The following GEMIN5 variants were observed in gnomAD, a reference collection of about 807,000 sequenced individuals.
The protein encoded by GEMIN5 is gem-associated protein 5.
In GEMIN5, 124 loss-of-function variants were observed where a neutral mutation model predicts 176.9. The observed-to-expected ratio is 0.70, with a 90% CI of 0.61 to 0.81. The LOEUF is 0.81. Ranked by LOEUF, GEMIN5 falls within the 40% of genes least tolerant of loss-of-function variation. The probability of loss-of-function intolerance (pLI) is 0.00; values close to 1 mark genes in which losing one functional copy is unlikely to be tolerated. For missense variants in GEMIN5, 1,843 were observed against 1,814.6 expected (o/e 1.02, Z -0.28); for synonymous variants, 673 against 665.2 (o/e 1.01, Z -0.18).
chr5:154,918,049 A>T (rs780990240), intron 11 of GEMIN5, 45 bp from the exon 12 acceptor site: 5 of 1,220,774 alleles, frequency 4.1e-6, no homozygotes, highest in Non-Finnish European at 6.1e-6. Context: ...CATATCTCAC[A>T]AATCAGCAAT....
rs1440321216 is a variant in GEMIN5, at chr5:154,889,408, T to C, written c.4272A>G (p.Glu1424=). 2.5e-6 allele frequency: 4 copies of C among 1,604,496 alleles called. No homozygotes were observed. ...CAGGCAGAGAAAGTGGCTCATTTTT[T>C]TCTTCTTTACTAGTGAAAAAAATAA... is the stretch of plus-strand genomic sequence containing the variant. The part of the protein sequence containing the change: ...LCSSQSQCKE[E]KNEPLSLPEL... The change falls in exon 27 of 28, where the codon GAA becomes GAG. Residue 1424 remains glutamate (E), a synonymous_variant. Coordinates refer to ENST00000285873, the MANE Select transcript of GEMIN5 (RefSeq NM_015465.5).
chr5:154,938,068 G>C lies in GEMIN5; in HGVS notation c.66C>G (p.Ala22=), dbSNP rs756291106. 6.4e-5 allele frequency: 97 copies of C among 1,524,940 alleles called. No homozygotes were observed. The highest frequency in any genetic ancestry group is 4.5e-5 in the Non-Finnish European group (51 of 1,140,238). The allele number at this position is 1,524,940 out of a possible 1,614,324, so 94.5% of individuals were successfully genotyped here. A position where few individuals can be genotyped will look rare whatever the true frequency, so the allele number is the denominator to read the frequency against. The change falls in exon 1 of 28, where the codon GCC becomes GCG. Residue 22 remains alanine, a synonymous_variant. Coordinates refer to ENST00000285873, the MANE Select transcript of GEMIN5 (RefSeq NM_015465.5). ...PNWYCARCSD[A]VPGGLFGFAA... ...CGAAGCCAAAGAGGCCCCCGGGCAC[G>C]GCATCGCTGCAGCGGGCGCAGTACC...
chr5:154,930,903 T>C (rs1764148752), intron 5 of GEMIN5, among the ~76,000 whole-genome samples: 2 of 152,250 alleles, frequency 1.3e-5, no homozygotes, highest in Non-Finnish European at 2.9e-5. Context: ...AGATTTTTAC[T>C]ATAAAGGTTA....
intron 25 of GEMIN5, 50 bp from the exon 26 acceptor site, chr5:154,891,792 G>A (rs775484649): frequency 1.3e-6 from 2 of 1,509,494 alleles, no homozygotes; most frequent in African/African-American, 1.4e-5. Flanking sequence ...CTAGTTGCCA[G>A]AAATGTGGCT....
intron 15 of GEMIN5, among the ~76,000 whole-genome samples, chr5:154,908,162 C>T (rs995891245): frequency 2.0e-5 from 3 of 148,876 alleles, no homozygotes; most frequent in Non-Finnish European, 4.4e-5. Context: ...GCCAATTTTA[C>T]CCAGATGTCC....
At position 154,927,279 on chromosome 5, in the gene GEMIN5, AG is replaced by A. The variant is rs556637308; in HGVS notation, c.1080+105del. On this transcript the variant is annotated intron_variant, in intron 7 of 27. Transcript: ENST00000285873. ...TAGCAGTAACTCTGAAATTGGAGTC[AG>A]GGGTGGAGTATTACGACTTGACAGG... 778 of 633,410 alleles carry A rather than the reference AG, an allele frequency of 1.2e-3. 1 individual carries two copies. Among genetic ancestry groups the A allele is most frequent in the Admixed American group, 2.5e-3 (96 of 39,124 alleles). 39.2% of individuals were successfully genotyped at this position (633,410 alleles called of 1,614,324 possible). A position where few individuals can be genotyped will look rare whatever the true frequency, so the allele number is the denominator to read the frequency against.
Position 154,904,536 on chromosome 5 carries a change from A to G in GEMIN5, c.2603T>C (p.Leu868Ser), listed in dbSNP as rs368662572. The stretch of plus-strand genomic sequence containing the variant: ...GGAGTGCTTTGCAGTTGCTAGTACC[A>G]AACAGTCCTGATGAAGCTCCTCTTT... ...RSKEELHQDC[L>S]VLATAKHSRE... Residue 868 changes from leucine (L) to serine (S), a missense_variant, in exon 18 of 28, where the codon TTG becomes TCG. By Grantham distance (145) the Leu-to-Ser change is moderately radical. Coordinates refer to ENST00000285873, the MANE Select transcript of GEMIN5 (RefSeq NM_015465.5). 4 of 1,613,634 alleles carry G rather than the reference A, an allele frequency of 2.5e-6. No homozygotes were observed. The Admixed American group carries it at 5.0e-5, about 20-fold the overall frequency.
Position 154,917,175 on chromosome 5 carries a change from T to C in GEMIN5, c.1678A>G (p.Ile560Val), listed in dbSNP as rs1209267555. Residue 560 changes from isoleucine to valine, a missense_variant, in exon 13 of 28, where the codon ATA becomes GTA. By Grantham distance (29) the Ile-to-Val change is conservative (BLOSUM62 3). Coordinates refer to ENST00000285873, the MANE Select transcript of GEMIN5 (RefSeq NM_015465.5). The part of the protein sequence containing the change: ...IMALGNEDGS[I>V]EIFQIPNLKL... ...AGGTTGGGAATCTGAAATATTTCTA[T>C]TGATCTGGAATAAGAAACACATCAA... 2.0e-6 allele frequency: 3 copies of C among 1,496,008 alleles called. No individual in the cohort carries two copies. The highest frequency in any genetic ancestry group is 2.7e-6 in the Non-Finnish European group (3 of 1,103,734). The allele number at this position is 1,496,008 out of a possible 1,614,324, so 92.7% of individuals were successfully genotyped here. A position where few individuals can be genotyped will look rare whatever the true frequency, so the allele number is the denominator to read the frequency against.
chr5:154,905,118 C>T (rs568380451), intron 17 of GEMIN5, among the ~76,000 whole-genome samples: 24 of 152,068 alleles, frequency 1.6e-4, no homozygotes, highest in Non-Finnish European at 2.9e-4. Context: ...CGCTTGAGCC[C>T]GGGAAGTGGA....
At chr5:154,936,174 T>C (rs1764265084) in intron 2 of GEMIN5, 152 bp from the exon 3 acceptor site, 2 of 562,322 alleles carry the variant, frequency 3.6e-6, no homozygotes, top group African/African-American at 1.9e-5. Context: ...CCCAGCACTT[T>C]GGGAGGCCGA....
At position 154,916,994 on chromosome 5, in the gene GEMIN5, T is replaced by C. The variant is rs749147940; in HGVS notation, c.1855+4A>G. The stretch of plus-strand genomic sequence containing the variant: ...ATCCCCAGTATGAAAGAAACCAAAG[T>C]TACCTATGACAGTCTTCAGGTTGTG... On this transcript the variant is annotated splice_donor_region_variant and intron_variant, in intron 13 of 27. Transcript: ENST00000285873. The C allele has an allele frequency of 8.4e-6, 13 of 1,542,050 alleles. No individual in the cohort carries two copies. The East Asian group carries it at 2.3e-4, about 27-fold the overall frequency.
intron 13 of GEMIN5, among the ~76,000 whole-genome samples, chr5:154,916,361 G>A (rs985935485): frequency 3.3e-5 from 5 of 152,102 alleles, no homozygotes; most frequent in African/African-American, 1.2e-4. Context: ...ACACAGAAGT[G>A]CAAACCTATT....
intron 3 of GEMIN5, among the ~76,000 whole-genome samples, chr5:154,934,431 C>A (rs1479870276): frequency 2.0e-5 from 3 of 152,182 alleles, no homozygotes; most frequent in Non-Finnish European, 2.9e-5. Flanking sequence ...CCCACCTCGG[C>A]CTCTCAAAGT....
At chr5:154,926,371 G>C (rs1440091706) in intron 7 of GEMIN5, among the ~76,000 whole-genome samples, 2 of 152,094 alleles carry the variant, frequency 1.3e-5, no homozygotes, top group Non-Finnish European at 2.9e-5. Flanking sequence ...TCCTATTATA[G>C]CACTGGTAAC....
Position 154,904,509 on chromosome 5 carries a change from C to G in GEMIN5, c.2630G>C (p.Arg877Thr), listed in dbSNP as rs1288889238. 1 of 1,613,622 alleles carries G rather than the reference C, an allele frequency of 6.2e-7. No individual in the cohort carries two copies. The highest frequency in any genetic ancestry group is 1.3e-5 in the African/African-American group (1 of 74,926). Residue 877 changes from arginine (R) to threonine (T), a missense_variant and splice_region_variant, in exon 18 of 28, where the codon AGA (arginine) becomes ACA (threonine). By Grantham distance (71) the Arg-to-Thr change is moderately conservative. Coordinates refer to ENST00000285873, the MANE Select transcript of GEMIN5 (RefSeq NM_015465.5). ...GCCAAGGAAGTACATTTTTGTACCT[C>G]TGGAGTGCTTTGCAGTTGCTAGTAC... is the stretch of plus-strand genomic sequence containing the variant. ...CLVLATAKHS[R>T]ELNEDVSADV...
intron 3 of GEMIN5, among the ~76,000 whole-genome samples, chr5:154,934,329 G>A (rs773232551): frequency 2.6e-5 from 4 of 152,202 alleles, no homozygotes; most frequent in Non-Finnish European, 5.9e-5. Context: ...TGGGATTACA[G>A]GCATGCGCCA....
chr5:154,911,658 C>T (rs902926675), intron 15 of GEMIN5, 69 bp downstream of exon 15: 31 of 1,351,540 alleles, frequency 2.3e-5, no homozygotes, highest in Non-Finnish European at 2.7e-5. Flanking sequence ...CTTCCTTGCT[C>T]AATCCTGATC....
chr5:154,917,647 A>C (rs1763840086), intron 12 of GEMIN5, among the ~76,000 whole-genome samples: 1 of 152,222 alleles, frequency 6.6e-6, no homozygotes, highest in South Asian at 2.1e-4. Flanking sequence ...CTTTAAAAAA[A>C]TGGAGATTTA....
chr5:154,906,688 T>C (rs1017685626), intron 16 of GEMIN5, among the ~76,000 whole-genome samples: 3 of 152,190 alleles, frequency 2.0e-5, no homozygotes, highest in African/African-American at 7.2e-5. Context: ...TGTGTCTCTG[T>C]ACCCGACTAG....
Sources: gnomAD v4.1 joint callset for allele counts (sites outside exome capture counted in the v4.1 genomes callset) on GRCh38, gnomAD v4.1.1 for gene constraint, MANE v1.5 for transcripts, NCBI Gene and HGNC (gene_info 2026-07-23, HGNC 2026-07-21) for gene names.